Variants in FBXL16 observed in about 807,000 individuals in gnomAD.
FBXL16 encodes F-box/LRR-repeat protein 16.
Under a neutral mutation model 36.7 loss-of-function variants are expected in FBXL16, and 7 were observed. The observed-to-expected ratio is 0.19, with a 90% CI of 0.11 to 0.36. The LOEUF is 0.36. FBXL16 is among the 10% of genes least tolerant of loss of function. The pLI, the probability that FBXL16 is intolerant of heterozygous loss-of-function variation, is 1.00. For missense variants in FBXL16, 463 were observed against 659.4 expected, an observed-to-expected ratio of 0.70 and a Z score of 3.26; for synonymous variants, 355 against 308.7, an observed-to-expected ratio of 1.15 and a Z score of -1.57.
chr16:705,781 G>T lies in FBXL16; in HGVS notation c.-284C>A. 6.7e-6 allele frequency: 1 copy of T among 148,944 alleles called. No homozygotes were observed. Among genetic ancestry groups the T allele is most frequent in the South Asian group, 2.0e-4 (1 of 4,978 alleles). The allele number at this position is 148,944 out of a possible 1,614,324, so 9.2% of individuals were successfully genotyped here. A position where few individuals can be genotyped will look rare whatever the true frequency, so the allele number is the denominator to read the frequency against. On this transcript the variant is annotated 5_prime_UTR_variant, in exon 1 of 6. Transcript: ENST00000397621. ...CAGATAAATAAGGCCGCTTTGCAGG[G>T]AACCAGGCGGGCGCCTCCTCCTCCC...
At position 697,651 on chromosome 16, in the gene FBXL16, G is replaced by T. The variant is rs925968694; in HGVS notation, c.-14-232C>A. On this transcript the variant is annotated intron_variant, in intron 1 of 5. Transcript: ENST00000397621. This position sits in a 1 kb window ranked among gnomAD's most constrained non-coding sequence, Gnocchi z 4.6. ...ACTGGGCACCTACGGTATGCACTGA[G>T]CCCAACCTTCATTGCCCATGGACAC... is the stretch of plus-strand genomic sequence containing the variant. Among the ~76,000 whole-genome samples the T allele has an allele frequency of 5.9e-5, 9 of 152,152 alleles. No homozygotes were observed. Among genetic ancestry groups the T allele is most frequent in the Non-Finnish European group, 1.2e-4 (8 of 68,030 alleles).
intron 1 of FBXL16, among the ~76,000 whole-genome samples, chr16:701,263 C>T (rs1443110342): frequency 1.3e-5 from 2 of 152,132 alleles, no homozygotes; most frequent in Admixed American, 1.3e-4. Context: ...TTCCCTCATC[C>T]ACACCCGCAG....
At chr16:702,184 G>C (rs1367534020) in intron 1 of FBXL16, among the ~76,000 whole-genome samples, 3 of 152,256 alleles carry the variant, frequency 2.0e-5, no homozygotes, top group African/African-American at 7.2e-5. Flanking sequence ...GGAGACCTCA[G>C]CTCCGGCCCC....
At chr16:695,975 G>A (rs746826837) in intron 2 of FBXL16, 52 bp from the exon 3 acceptor site, 2 of 1,532,432 alleles carry the variant, frequency 1.3e-6, no homozygotes, top group Non-Finnish European at 1.8e-6. Flanking sequence ...GGTGGAGCCC[G>A]CAGGGAGGAA....
intron 4 of FBXL16, 126 bp downstream of exon 4, chr16:694,866 C>G (rs1446446812): frequency 1.2e-5 from 15 of 1,259,668 alleles, no homozygotes; most frequent in Non-Finnish European, 1.5e-5. Context: ...CCCTGCGTTC[C>G]GCTTAGGTCG....
At chr16:698,929 A>AAAAAAAAAG (rs1279425091) in intron 1 of FBXL16, among the ~76,000 whole-genome samples, 6 of 87,808 alleles carry the variant, frequency 6.8e-5, no homozygotes, top group African/African-American at 2.2e-4. Context: ...AAAAAAAAAA[A>AAAAAAAAAG]AAAGAAAGAA....
At position 697,187 on chromosome 16, in the gene FBXL16, CG is replaced by C. The variant is rs766285022; in HGVS notation, c.218del (p.Pro73ArgfsTer86). On this transcript the variant is annotated frameshift_variant, in exon 2 of 6. Coordinates refer to ENST00000397621, the MANE Select transcript of FBXL16 (RefSeq NM_153350.4). LOFTEE classifies it high-confidence loss of function. The surrounding 1 kb of genome is among the most constrained non-coding windows in gnomAD (Gnocchi z 4.6). ...AGGCTGGTCCACCTGCCGGGGTGCA[CG>C]GGCCCCCAGCCAGGGCAGCCCGGGA... ...PLSRAALAGG[P>X]CTPAGGPASA... is the part of the protein sequence containing the mutation. The C allele has an allele frequency of 6.4e-7, 1 of 1,552,266 alleles. No individual in the cohort carries two copies.
chr16:692,516 TTAATATATATTTTTA>T lies in FBXL16; in HGVS notation c.*1744_*1758del, dbSNP rs2039978665. 6.6e-6 allele frequency: 1 copy of T among 152,368 alleles called. No individual in the cohort carries two copies. Among genetic ancestry groups the T allele is most frequent in the South Asian group, 2.1e-4 (1 of 4,830 alleles). 9.4% of individuals were successfully genotyped at this position (152,368 alleles called of 1,614,324 possible). Reference sequence around the variant, plus strand: ...TCAGACACATGTTTTTACAACTTTTTTAATATATATTTTTATAAACAGGTCACGTGATAAAATAGC... The same window carrying T: ...TCAGACACATGTTTTTACAACTTTTTTAAACAGGTCACGTGATAAAATAGC... On this transcript the variant is annotated 3_prime_UTR_variant, in exon 6 of 6. Coordinates refer to ENST00000397621, the MANE Select transcript of FBXL16 (RefSeq NM_153350.4).
At position 705,493 on chromosome 16, in the gene FBXL16, G is replaced by T. The variant is rs948233768; in HGVS notation, c.-15+19C>A. On this transcript the variant is annotated intron_variant, in intron 1 of 5. Coordinates refer to ENST00000397621, the MANE Select transcript of FBXL16 (RefSeq NM_153350.4). ...TGGCCCCCTCCCGGCCCCGCAGCCC[G>T]GCCGCACGCGCACCTTACCTCGGCC... 1 of 119,796 alleles carries T rather than the reference G, an allele frequency of 8.3e-6. No individual in the cohort carries two copies. The highest frequency in any genetic ancestry group is 2.9e-4 in the South Asian group (1 of 3,468). The allele number at this position is 119,796 out of a possible 1,614,324, so 7.4% of individuals were successfully genotyped here.
Position 694,072 on chromosome 16 carries a change from G to GCCGCCC in FBXL16, c.*202_*203insGGGCGG, listed in dbSNP as rs1555478775. On this transcript the variant is annotated 3_prime_UTR_variant, in exon 6 of 6. Coordinates refer to ENST00000397621, the MANE Select transcript of FBXL16 (RefSeq NM_153350.4). ...CGTGCGTGGGGCGGGCCCACCCGCCGCCCCCCTGCCCGGGGCGGGGCTGGG... is the reference window on the plus strand; with the variant it reads ...CGTGCGTGGGGCGGGCCCACCCGCCGCCGCCCCCCCCCTGCCCGGGGCGGGGCTGGG... The GCCGCCC allele has an allele frequency of 3.8e-6, 1 of 260,538 alleles. No individual in the cohort carries two copies. Among genetic ancestry groups the GCCGCCC allele is most frequent in the African/African-American group, 2.3e-5 (1 of 44,140 alleles). 16.1% of individuals were successfully genotyped at this position (260,538 alleles called of 1,614,324 possible). A position where few individuals can be genotyped will look rare whatever the true frequency, so the allele number is the denominator to read the frequency against.
At position 701,233 on chromosome 16, in the gene FBXL16, G is replaced by T. The variant is rs575634261; in HGVS notation, c.-14-3814C>A. Among the ~76,000 whole-genome samples the T allele has an allele frequency of 7.9e-5, 12 of 152,304 alleles. No individual in the cohort carries two copies. In the East Asian group the frequency reaches 2.3e-3, roughly 29 times the overall value. On this transcript the variant is annotated intron_variant, in intron 1 of 5. Coordinates refer to ENST00000397621, the MANE Select transcript of FBXL16 (RefSeq NM_153350.4). ...GACAGGCTGAGGAGCGGCCGTCTGG[G>T]TATGGGTCCGGGGCCTGGCTTCCCT... is the stretch of plus-strand genomic sequence containing the variant.
chr16:695,349 G>T, intron 3 of FBXL16, 66 bp downstream of exon 3: 2 of 1,040,082 alleles, frequency 1.9e-6, no homozygotes, highest in Non-Finnish European at 2.3e-6. Flanking sequence ...GTGCAGCCCC[G>T]CCCCGCCCCG....
chr16:694,084 G>A lies in FBXL16; in HGVS notation c.*191C>T. On this transcript the variant is annotated 3_prime_UTR_variant, in exon 6 of 6. Transcript: ENST00000397621. ...GGGCCCACCCGCCGCCCCCCTGCCCGGGGCGGGGCTGGGAGGGCGGAGGGA... is the reference window on the plus strand; with the variant it reads ...GGGCCCACCCGCCGCCCCCCTGCCCAGGGCGGGGCTGGGAGGGCGGAGGGA... 1 of 283,014 alleles carries A rather than the reference G, an allele frequency of 3.5e-6. No individual in the cohort carries two copies. The highest frequency in any genetic ancestry group is 6.6e-6 in the Non-Finnish European group (1 of 152,524). 17.5% of individuals were successfully genotyped at this position (283,014 alleles called of 1,614,324 possible).
chr16:702,029 G>C (rs1596576211), intron 1 of FBXL16, among the ~76,000 whole-genome samples: 1 of 152,194 alleles, frequency 6.6e-6, no homozygotes, highest in Admixed American at 6.5e-5. Flanking sequence ...CGTGTGGCCA[G>C]AGTGAGCCTA....
chr16:704,680 C>T (rs1262783442), intron 1 of FBXL16, among the ~76,000 whole-genome samples: 1 of 152,254 alleles, frequency 6.6e-6, no homozygotes, highest in Non-Finnish European at 1.5e-5. Context: ...CTGCCCCTGG[C>T]CATTGGGCCC....
At chr16:695,290 C>G (rs528344570) in intron 3 of FBXL16, 125 bp downstream of exon 3, 2 of 1,188,094 alleles carry the variant, frequency 1.7e-6, no homozygotes, top group Non-Finnish European at 2.2e-6. Context: ...AGGGCTCTGC[C>G]CGCCGCGCCA....
chr16:698,302 C>T (rs761557148), intron 1 of FBXL16, among the ~76,000 whole-genome samples: 1 of 152,196 alleles, frequency 6.6e-6, no homozygotes, highest in African/African-American at 2.4e-5. Context: ...CGTGCCTGAC[C>T]GGAAACCTTT....
chr16:701,039 T>C (rs1429209574), intron 1 of FBXL16, among the ~76,000 whole-genome samples: 1 of 152,140 alleles, frequency 6.6e-6, no homozygotes, highest in Non-Finnish European at 1.5e-5. Flanking sequence ...CTCCCAGTCA[T>C]GGGCCTGCAC....
At chr16:695,113 C>T in intron 3 of FBXL16, 37 bp from the exon 4 acceptor site, 5 of 1,578,522 alleles carry the variant, frequency 3.2e-6, no homozygotes, top group Non-Finnish European at 3.4e-6. Context: ...ACCTTCAAAT[C>T]ACCTGGCCCC....
Sources: gnomAD v4.1 joint callset for allele counts (sites outside exome capture counted in the v4.1 genomes callset) on GRCh38, gnomAD v4.1.1 for gene constraint, Gnocchi (gnomAD v3.1) non-coding constraint, MANE v1.5 for transcripts, NCBI Gene and HGNC (gene_info 2026-07-23, HGNC 2026-07-21) for gene names.